WAC: variants seen among roughly 807,000 people sequenced by gnomAD.
The protein encoded by WAC is WW domain-containing adapter protein with coiled-coil.
Under a neutral mutation model 79.6 loss-of-function variants are expected in WAC, and 11 were observed. The ratio of observed to expected loss-of-function variants is 0.14; its 90% CI spans 0.09 to 0.23. The LOEUF (loss-of-function observed/expected upper bound fraction) is 0.23. WAC is among the 10% of genes least tolerant of loss of function. The pLI is 1.00. For missense variants in WAC, 728 were observed against 773.5 expected (o/e 0.94, Z 0.70); for synonymous variants, 304 against 276.9 (o/e 1.10, Z -0.97).
intron 13 of WAC, among the ~76,000 whole-genome samples, chr10:28,618,932 G>A (rs1342975335): frequency 1.3e-5 from 2 of 152,114 alleles, no homozygotes; most frequent in Admixed American, 6.5e-5. Flanking sequence ...GTGATGATAC[G>A]GTTTATAAAG....
At chr10:28,568,120 A>G (rs1047176782) in intron 3 of WAC, among the ~76,000 whole-genome samples, 5 of 152,190 alleles carry the variant, frequency 3.3e-5, no homozygotes, top group Non-Finnish European at 5.9e-5. Flanking sequence ...AGATTTGATT[A>G]CATATTCTTT....
chr10:28,546,414 G>A (rs1822684928), intron 3 of WAC, among the ~76,000 whole-genome samples: 1 of 152,212 alleles, frequency 6.6e-6, no homozygotes, highest in African/African-American at 2.4e-5. Flanking sequence ...AGAGTGACAA[G>A]CTGCTAGAAG....
intron 3 of WAC, among the ~76,000 whole-genome samples, chr10:28,579,707 T>C (rs1360378269): frequency 6.6e-6 from 1 of 152,186 alleles, no homozygotes; most frequent in East Asian, 1.9e-4. Context: ...TTCTTCTACT[T>C]GTGTATTACT....
chr10:28,533,929 G>T (rs1030037854), intron 1 of WAC, 69 bp from the exon 2 acceptor site: 2 of 1,579,794 alleles, frequency 1.3e-6, no homozygotes, highest in South Asian at 2.2e-5. Flanking sequence ...CGGGGGCCCC[G>T]TTTTCTTCCT....
intron 3 of WAC, among the ~76,000 whole-genome samples, chr10:28,536,965 A>T (rs1209363057): frequency 6.6e-6 from 1 of 151,942 alleles, no homozygotes; most frequent in African/African-American, 2.4e-5. Flanking sequence ...GGCTTACTTT[A>T]AAAAAAATAC....
At chr10:28,595,688 C>T (rs1334701134) in intron 6 of WAC, 45 bp from the exon 7 acceptor site, 1 of 1,563,682 alleles carries the variant, frequency 6.4e-7, no homozygotes, top group Admixed American at 1.8e-5. Context: ...TTTTCTTCCC[C>T]CTTCTGTCAT....
In WAC at chr10:28,616,218, T is replaced by A. The variant is rs1476112944; in HGVS notation, c.1602T>A (p.Ser534Arg). ...CTGGTCCCAATCATACTTCTAATAG[T>A]AGTAATGCATCAAATGCAACAGTTG... ...PSPGPNHTSNSSNASNATVVP... is the reference protein window; with the variant it reads ...PSPGPNHTSNRSNASNATVVP... The change falls in exon 12 of 14, where the codon AGT becomes AGA. Residue 534 changes from serine (S) to arginine (R), a missense_variant. Ser to Arg is a moderately radical substitution (Grantham distance 110). Transcript: ENST00000354911. The A allele has an allele frequency of 1.2e-6, 2 of 1,613,182 alleles. No homozygotes were observed. Among genetic ancestry groups the A allele is most frequent in the Non-Finnish European group, 1.7e-6 (2 of 1,179,538 alleles).
chr10:28,616,745 C>T (rs1305979467), intron 12 of WAC, among the ~76,000 whole-genome samples: 1 of 152,170 alleles, frequency 6.6e-6, no homozygotes, highest in Non-Finnish European at 1.5e-5. Flanking sequence ...TGTACTTTTT[C>T]CACTCAGCTT....
In WAC at chr10:28,621,015, T is replaced by C. The variant is rs1283122202; in HGVS notation, c.*1409T>C. On this transcript the variant is annotated 3_prime_UTR_variant, in exon 14 of 14. Transcript: ENST00000354911. ...TATAAAATTACCTTGACTTTTTTTT[T>C]CCTTTGCTGAAATATTAGTCACATA... The C allele has an allele frequency of 2.6e-5, 4 of 152,138 alleles. No individual in the cohort carries two copies. The highest frequency in any genetic ancestry group is 9.6e-5 in the African/African-American group (4 of 41,452). The allele number at this position is 152,138 out of a possible 1,614,324, so 9.4% of individuals were successfully genotyped here.
chr10:28,604,317 C>CTT (rs1840822547), intron 7 of WAC, among the ~76,000 whole-genome samples: 1 of 151,310 alleles, frequency 6.6e-6, no homozygotes, highest in South Asian at 2.1e-4. Flanking sequence ...AATGCGAATG[C>CTT]ATGTGTACAT....
At chr10:28,558,577 A>C (rs188674525) in intron 3 of WAC, among the ~76,000 whole-genome samples, 1 of 152,180 alleles carries the variant, frequency 6.6e-6, no homozygotes, top group African/African-American at 2.4e-5. Flanking sequence ...AATTGTAAAA[A>C]AAAATTATGT....
At chr10:28,574,194 T>C (rs1189090117) in intron 3 of WAC, among the ~76,000 whole-genome samples, 1 of 152,148 alleles carries the variant, frequency 6.6e-6, no homozygotes, top group Non-Finnish European at 1.5e-5. Flanking sequence ...ACAGTCTTGC[T>C]CTGTGTACAG....
chr10:28,616,011 A>C (rs1841451555), intron 11 of WAC, 162 bp from the exon 12 acceptor site: 1 of 560,272 alleles, frequency 1.8e-6, no homozygotes, highest in Admixed American at 3.7e-5. Flanking sequence ...GGAATCATAT[A>C]CTTTGGATTA....
chr10:28,559,548 G>A (rs1460511594), intron 3 of WAC, among the ~76,000 whole-genome samples: 1 of 152,124 alleles, frequency 6.6e-6, no homozygotes, highest in Non-Finnish European at 1.5e-5. Context: ...AAAACACTGG[G>A]AGGTGTTCTG....
chr10:28,562,897 T>C (rs963539294), intron 3 of WAC, among the ~76,000 whole-genome samples: 8 of 152,202 alleles, frequency 5.3e-5, no homozygotes, highest in Non-Finnish European at 8.8e-5. Flanking sequence ...ATGTATTTTT[T>C]ACTACCTTCT....
chr10:28,535,760 G>T lies in WAC; in HGVS notation c.274+3G>T. 6.3e-7 allele frequency: 1 copy of T among 1,596,806 alleles called. No homozygotes were observed. Among genetic ancestry groups the T allele is most frequent in the Non-Finnish European group, 8.5e-7 (1 of 1,170,026 alleles). ...CAGAGTTAGAGAGAGGGATGGTGGTGAGTATCTTTCTTGTTGAAACTTTGA... is the reference window on the plus strand; with the variant it reads ...CAGAGTTAGAGAGAGGGATGGTGGTTAGTATCTTTCTTGTTGAAACTTTGA... On this transcript the variant is annotated splice_donor_region_variant and intron_variant, in intron 3 of 13. Coordinates refer to ENST00000354911, the MANE Select transcript of WAC (RefSeq NM_016628.5).
intron 3 of WAC, among the ~76,000 whole-genome samples, chr10:28,568,462 C>G (rs1260954848): frequency 2.6e-5 from 4 of 152,090 alleles, no homozygotes; most frequent in African/African-American, 9.7e-5. Context: ...CTCGCTGCAA[C>G]CTCCACCTCC....
chr10:28,560,884 T>TG (rs34584647), intron 3 of WAC, among the ~76,000 whole-genome samples: 5 of 152,180 alleles, frequency 3.3e-5, no homozygotes, highest in Admixed American at 2.0e-4. Context: ...GTTAAGGCTT[T>TG]GGGGGGATCC....
At chr10:28,603,961 G>GTATATATATATATA (rs71391054) in intron 7 of WAC, among the ~76,000 whole-genome samples, 15 of 20,896 alleles carry the variant, frequency 7.2e-4, no homozygotes, top group African/African-American at 2.1e-3. Context: ...ATGTATGTAT[G>GTATATATATATATA]TATATATATA....
Sources: gnomAD v4.1 joint callset for allele counts (sites outside exome capture counted in the v4.1 genomes callset) on GRCh38, gnomAD v4.1.1 for gene constraint, MANE v1.5 for transcripts, NCBI Gene and HGNC (gene_info 2026-07-23, HGNC 2026-07-21) for gene names.